CACNA1B: variants seen among roughly 807,000 people sequenced by gnomAD.
CACNA1B encodes calcium voltage-gated channel subunit alpha1 B, also known as voltage-dependent N-type calcium channel subunit alpha-1B.
CACNA1B carries 70 observed loss-of-function variants against 247.2 expected under a neutral mutation model. That is an observed-to-expected ratio of 0.28 (90% CI 0.23 to 0.35). CACNA1B has a LOEUF of 0.35. CACNA1B is among the 10% of genes least tolerant of loss of function. The probability of loss-of-function intolerance (pLI) is 1.00; values close to 1 mark genes in which losing one functional copy is unlikely to be tolerated. For missense variants in CACNA1B, 2,367 were observed against 3,197.4 expected (o/e 0.74, Z 6.26); for synonymous variants, 1,231 against 1,294.4 (o/e 0.95, Z 1.05).
chr9:138,003,010 G>A (rs929491561), intron 15 of CACNA1B, among the ~76,000 whole-genome samples: 3 of 151,740 alleles, frequency 2.0e-5, no homozygotes, highest in Admixed American at 6.6e-5. Context: ...TGTTGGCCAG[G>A]CTGGTCTTGA....
At position 137,952,587 on chromosome 9, in the gene CACNA1B, T is replaced by A. The variant is rs1957890736; in HGVS notation, c.1070+210T>A. Among the ~76,000 whole-genome samples, 1 of 152,128 alleles carries A rather than the reference T, an allele frequency of 6.6e-6. No homozygotes were observed. Among genetic ancestry groups the A allele is most frequent in the South Asian group, 2.1e-4 (1 of 4,820 alleles). ...GCCTCTCGGCCCCTTATCCCTGTCA[T>A]ACCCCTGGCCTTTCCGTGGTCTCTG... On this transcript the variant is annotated intron_variant, in intron 7 of 46. Coordinates refer to ENST00000371372, the MANE Select transcript of CACNA1B (RefSeq NM_000718.4). This position sits in a 1 kb window ranked among gnomAD's most constrained non-coding sequence, Gnocchi z 4.8.
rs549367816 is a variant in CACNA1B, at chr9:138,067,989, G to T, written c.4669-1769G>T. 2.0e-5 allele frequency among the ~76,000 whole-genome samples: 3 copies of T among 152,346 alleles called. No homozygotes were observed. The East Asian group carries it at 5.8e-4, about 29-fold the overall frequency. On this transcript the variant is annotated intron_variant, in intron 31 of 46. Transcript: ENST00000371372. ...GCTAACGTAGTGAAAATACGCAAAT[G>T]ATGTGAAATTGAAACACAGCTTTGG...
chr9:138,073,640 C>T lies in CACNA1B; in HGVS notation c.4791+36C>T. 1 of 1,204,306 alleles carries T rather than the reference C, an allele frequency of 8.3e-7. No individual in the cohort carries two copies. The highest frequency in any genetic ancestry group is 1.2e-6 in the Non-Finnish European group (1 of 806,822). 74.6% of individuals were successfully genotyped at this position (1,204,306 alleles called of 1,614,324 possible). On this transcript the variant is annotated intron_variant, in intron 33 of 46. Transcript: ENST00000371372. This position sits in a 1 kb window ranked among gnomAD's most constrained non-coding sequence, Gnocchi z 6.4. ...CGGGGGGCCTCCATGCTTTCTGTCC[C>T]CTTCCTCCGTCTTGCTTCCCCTGCC...
intron 15 of CACNA1B, among the ~76,000 whole-genome samples, chr9:137,996,030 A>C (rs1391266163): frequency 7.2e-5 from 11 of 152,352 alleles, no homozygotes. Context: ...GATGTGGTGA[A>C]AAGGGAACAC....
At chr9:138,025,393 T>C (rs1017431494) in intron 20 of CACNA1B, among the ~76,000 whole-genome samples, 1 of 152,242 alleles carries the variant, frequency 6.6e-6, no homozygotes, top group African/African-American at 2.4e-5. Context: ...TTCTCCTTCC[T>C]TCCCAAAATA....
intron 18 of CACNA1B, among the ~76,000 whole-genome samples, chr9:138,017,827 A>C: frequency 6.6e-6 from 1 of 152,304 alleles, no homozygotes; most frequent in Non-Finnish European, 1.5e-5. Flanking sequence ...GTGCTCATGG[A>C]TGGCTGGTCC....
In CACNA1B at chr9:137,880,926, C is replaced by G. The variant is rs1564869300; in HGVS notation, c.390+1767C>G. ...CTCCCCGTCGACTCTGGAGCTACCT[C>G]GAGCCAGGCCCCAGCTTGCAGTGCA... On this transcript the variant is annotated intron_variant, in intron 2 of 46. Coordinates refer to ENST00000371372, the MANE Select transcript of CACNA1B (RefSeq NM_000718.4). The surrounding 1 kb of genome is among the most constrained non-coding windows in gnomAD (Gnocchi z 4.8). Among the ~76,000 whole-genome samples, 3 of 152,228 alleles carry G rather than the reference C, an allele frequency of 2.0e-5. No homozygotes were observed. The highest frequency in any genetic ancestry group is 4.8e-5 in the African/African-American group (2 of 41,546).
intron 34 of CACNA1B, among the ~76,000 whole-genome samples, chr9:138,075,274 C>T (rs1960275350): frequency 6.6e-6 from 1 of 152,148 alleles, no homozygotes; most frequent in African/African-American, 2.4e-5. Flanking sequence ...TGTACAAGAG[C>T]ACATACGTTA....
At position 138,058,457 on chromosome 9, in the gene CACNA1B, C is replaced by G; in HGVS notation, c.4309-112C>G. The G allele has an allele frequency of 6.6e-6, 7 of 1,060,882 alleles. No individual in the cohort carries two copies. The South Asian group carries it at 1.1e-4, about 16-fold the overall frequency. 65.7% of individuals were successfully genotyped at this position (1,060,882 alleles called of 1,614,324 possible). A position where few individuals can be genotyped will look rare whatever the true frequency, so the allele number is the denominator to read the frequency against. The stretch of plus-strand genomic sequence containing the variant: ...GAAGGTCTGGGCTGCTTCAATTTGT[C>G]TTCTGTTGTCAGGGCTCCCTGTGAG... On this transcript the variant is annotated intron_variant, in intron 28 of 46. Coordinates refer to ENST00000371372, the MANE Select transcript of CACNA1B (RefSeq NM_000718.4). The surrounding 1 kb of genome is among the most constrained non-coding windows in gnomAD (Gnocchi z 4.7).
chr9:138,024,549 G>A (rs1185177350), intron 19 of CACNA1B, among the ~76,000 whole-genome samples: 8 of 152,258 alleles, frequency 5.3e-5, no homozygotes, highest in Non-Finnish European at 4.4e-5. Flanking sequence ...GAAGGCCAGA[G>A]TAGCAGAGCA....
Position 138,059,524 on chromosome 9 carries a change from G to A in CACNA1B, c.4585-130G>A, listed in dbSNP as rs1323067312. The A allele has an allele frequency of 1.5e-6, 1 of 675,220 alleles. No homozygotes were observed. The highest frequency in any genetic ancestry group is 2.4e-5 in the Admixed American group (1 of 42,122). The allele number at this position is 675,220 out of a possible 1,614,324, so 41.8% of individuals were successfully genotyped here. ...GCCTTGTGCTGTGCCCCCTGGGGTG[G>A]CCTGTCTGCCCTGTGCTCAGGGTCT... On this transcript the variant is annotated intron_variant, in intron 30 of 46. Coordinates refer to ENST00000371372, the MANE Select transcript of CACNA1B (RefSeq NM_000718.4). This position sits in a 1 kb window ranked among gnomAD's most constrained non-coding sequence, Gnocchi z 4.2.
rs140440909 is a variant in CACNA1B at position 137,885,170 on chromosome 9, C to T, written c.530+2287C>T. The stretch of plus-strand genomic sequence containing the variant: ...GCTCCCAGGTTCCTCTGCCTCCACA[C>T]GTCTTCCCTCCAGGCAGCCTGGGTT... On this transcript the variant is annotated intron_variant, in intron 3 of 46. Transcript: ENST00000371372. Among the ~76,000 whole-genome samples the T allele has an allele frequency of 2.9e-3, 434 of 151,140 alleles. 1 individual carries two copies. Among genetic ancestry groups the T allele is most frequent in the Middle Eastern group, 6.8e-3 (2 of 294 alleles).
Position 138,057,708 on chromosome 9 carries a change from A to G in CACNA1B, c.3969-24A>G, listed in dbSNP as rs780679874. ...TTTGGATCTTTTGTCTTTGCCCTCT[A>G]ACCTCCCATGTTCTCATTCCTAGGG... On this transcript the variant is annotated intron_variant, in intron 26 of 46. Transcript: ENST00000371372. The surrounding 1 kb of genome is among the most constrained non-coding windows in gnomAD (Gnocchi z 4.0). 2 of 1,588,158 alleles carry G rather than the reference A, an allele frequency of 1.3e-6. No individual in the cohort carries two copies. The highest frequency in any genetic ancestry group is 1.3e-5 in the African/African-American group (1 of 74,482).
At chr9:137,972,610 T>G (rs1237408719) in intron 11 of CACNA1B, among the ~76,000 whole-genome samples, 1 of 152,124 alleles carries the variant, frequency 6.6e-6, no homozygotes, top group Non-Finnish European at 1.5e-5. Flanking sequence ...CCTCACCTGC[T>G]CTGCCCAGGA....
intron 32 of CACNA1B, 88 bp downstream of exon 32, chr9:138,069,851 C>T (rs1005184922): frequency 1.7e-6 from 2 of 1,153,358 alleles, no homozygotes; most frequent in Non-Finnish European, 2.6e-6. Flanking sequence ...GGGACTCCAG[C>T]CCACTGCCCT....
intron 37 of CACNA1B, among the ~76,000 whole-genome samples, chr9:138,098,616 G>A (rs909116629): frequency 6.6e-6 from 1 of 152,202 alleles, no homozygotes; most frequent in Non-Finnish European, 1.5e-5. Context: ...GGAAGAACGG[G>A]AAGTGGACTT....
intron 42 of CACNA1B, 33 bp from the exon 43 acceptor site, chr9:138,117,913 C>A: frequency 6.5e-7 from 1 of 1,527,014 alleles, no homozygotes; most frequent in Non-Finnish European, 8.9e-7. Flanking sequence ...AGTCTCTGAC[C>A]CTACAGGAAT....
At chr9:137,970,043 C>T (rs1039441377) in intron 10 of CACNA1B, among the ~76,000 whole-genome samples, 12 of 152,192 alleles carry the variant, frequency 7.9e-5, no homozygotes, top group African/African-American at 2.9e-4. Flanking sequence ...GGTGTGCACA[C>T]ATATGCATGT....
chr9:138,115,251 G>A (rs924676079), intron 41 of CACNA1B, among the ~76,000 whole-genome samples: 12 of 152,310 alleles, frequency 7.9e-5, no homozygotes, highest in African/African-American at 2.9e-4. Flanking sequence ...CAATCCCCTA[G>A]TTGTGTAGAC....
Sources: allele counts gnomAD v4.1 joint callset (sites outside exome capture counted in the v4.1 genomes callset), GRCh38; gene constraint gnomAD v4.1.1; non-coding constraint Gnocchi (gnomAD v3.1); transcripts MANE v1.5; gene names NCBI Gene and HGNC (gene_info 2026-07-23, HGNC 2026-07-21).